The following CERS3 variants were observed in gnomAD, a reference collection of about 807,000 sequenced individuals.
CERS3 encodes the protein ceramide synthase 3.
In CERS3, 33 loss-of-function variants were observed where a neutral mutation model predicts 50.3. The observed-to-expected ratio is 0.66, with a 90% CI of 0.50 to 0.88. The LOEUF is 0.88. Ranked by LOEUF, CERS3 falls within the 40% of genes least tolerant of loss-of-function variation. The pLI is 0.00. For missense variants in CERS3, 470 were observed against 460.3 expected (o/e 1.02, Z -0.19); for synonymous variants, 176 against 155.2 (o/e 1.13, Z -0.99).
chr15:100,500,564 C>CA (rs1291323015), intron 3 of CERS3: 2 of 152,160 alleles, frequency 1.3e-5, no homozygotes, highest in African/African-American at 4.8e-5. Context: ...GGATACAATG[C>CA]AAAAACACCT....
rs1463619849 is a variant in CERS3, at chr15:100,420,939, A to C, written c.1000-18074T>G. ...GTATTGATGGGACGTATTTCAAAAT[A>C]ATAAGAGCTATCTATGACAAACCCA... On this transcript the variant is annotated intron_variant, in intron 11 of 11. Transcript: ENST00000679737. 2.1e-3 allele frequency among the ~76,000 whole-genome samples: 314 copies of C among 146,854 alleles called. 1 individual carries two copies. Among genetic ancestry groups the C allele is most frequent in the African/African-American group, 7.6e-3 (302 of 39,732 alleles).
chr15:100,493,046 G>C (rs1053954497), intron 3 of CERS3, among the ~76,000 whole-genome samples: 1 of 152,094 alleles, frequency 6.6e-6, no homozygotes, highest in Non-Finnish European at 1.5e-5. Flanking sequence ...CACAGATTTA[G>C]ATTATTGTTT....
At chr15:100,503,718 T>A (rs763894281) in intron 2 of CERS3, 1 of 470,890 alleles carries the variant, frequency 2.1e-6, no homozygotes. Context: ...GCCTGGCAGC[T>A]CTTCTGGCAG....
chr15:100,412,418 G>C (rs1596609536), intron 11 of CERS3, among the ~76,000 whole-genome samples: 1 of 152,218 alleles, frequency 6.6e-6, no homozygotes, highest in South Asian at 2.1e-4. Context: ...CTTTATGTTT[G>C]TCTTTATGCC....
chr15:100,494,070 A>G (rs909953552), intron 3 of CERS3, among the ~76,000 whole-genome samples: 11 of 151,554 alleles, frequency 7.3e-5, no homozygotes, highest in African/African-American at 2.7e-4. Context: ...TCCATGTCTC[A>G]TAAGTTTTTG....
intron 11 of CERS3, among the ~76,000 whole-genome samples, chr15:100,414,829 A>C (rs925260356): frequency 3.3e-5 from 5 of 151,804 alleles, no homozygotes; most frequent in African/African-American, 4.8e-5. Flanking sequence ...TAAAAAAAAA[A>C]AACCCTGGAA....
At chr15:100,540,064 T>C (rs965616316) in intron 1 of CERS3, among the ~76,000 whole-genome samples, 1 of 152,202 alleles carries the variant, frequency 6.6e-6, no homozygotes, top group Non-Finnish European at 1.5e-5. Context: ...ATCTATTTCC[T>C]AAACCACCCT....
chr15:100,478,264 T>C (rs949245925), intron 7 of CERS3, among the ~76,000 whole-genome samples: 1 of 152,202 alleles, frequency 6.6e-6, no homozygotes, highest in African/African-American at 2.4e-5. Context: ...AGATTAGACA[T>C]GGCTTAAGAA....
chr15:100,482,687 C>T (rs1246870277), intron 5 of CERS3, among the ~76,000 whole-genome samples: 1 of 152,036 alleles, frequency 6.6e-6, no homozygotes, highest in Non-Finnish European at 1.5e-5. Context: ...GAGAGAAAGT[C>T]ACCAAGGAAC....
rs192008441 is a variant in CERS3, at chr15:100,483,091, C to T, written c.407+1459G>A. ...CTTTACTTGAAAATACTGCCTCAAA[C>T]CTGCTTTCTTTTCTTTTGGCAACCT... On this transcript the variant is annotated intron_variant, in intron 5 of 11. Transcript: ENST00000679737. 9.8e-5 allele frequency among the ~76,000 whole-genome samples: 15 copies of T among 152,300 alleles called. No individual in the cohort carries two copies. In the East Asian group the frequency reaches 2.9e-3, roughly 29 times the overall value.
At chr15:100,458,585 CAAAAAA>C (rs5814967) in intron 10 of CERS3, among the ~76,000 whole-genome samples, 1 of 127,730 alleles carries the variant, frequency 7.8e-6, no homozygotes, top group African/African-American at 3.0e-5. Context: ...GACTCCATCT[CAAAAAA>C]AAAAAAAAAG....
intron 7 of CERS3, among the ~76,000 whole-genome samples, chr15:100,477,467 G>A (rs1489166795): frequency 6.6e-6 from 1 of 151,920 alleles, no homozygotes; most frequent in Admixed American, 6.6e-5. Flanking sequence ...CTGGATAAAG[G>A]ACAAGAAAGA....
rs1555528069 is a variant in CERS3 at position 100,466,832 on chromosome 15, C to CTCTCTTTCTCTCTTTCTCTCTTT, written c.845+2545_845+2546insAAAGAGAGAAAGAGAGAAAGAGA. On this transcript the variant is annotated intron_variant, in intron 10 of 11. Coordinates refer to ENST00000679737, the MANE Select transcript of CERS3 (RefSeq NM_001378789.1). ...CCCTCCCTCCCTCTCTCCCTCTCTC[C>CTCTCTTTCTCTCTTTCTCTCTTT]CTCTCTCCCTCTCTCTTTCTCTCTT... 8.2e-3 allele frequency among the ~76,000 whole-genome samples: 154 copies of CTCTCTTTCTCTCTTTCTCTCTTT among 18,804 alleles called. 19 individuals are homozygous for CTCTCTTTCTCTCTTTCTCTCTTT. The highest frequency in any genetic ancestry group is 0.018 in the African/African-American group (113 of 6,422). 12.3% of individuals were successfully genotyped at this position (18,804 alleles called of 152,430 possible).
chr15:100,487,123 A>G (rs1174249355), intron 4 of CERS3, among the ~76,000 whole-genome samples: 1 of 152,222 alleles, frequency 6.6e-6, no homozygotes, highest in African/African-American at 2.4e-5. Context: ...AATGTGTGAA[A>G]CATGAAGCAT....
At chr15:100,496,784 A>C (rs2035828575) in intron 3 of CERS3, among the ~76,000 whole-genome samples, 1 of 152,186 alleles carries the variant, frequency 6.6e-6, no homozygotes, top group African/African-American at 2.4e-5. Flanking sequence ...CTTAAGAAGA[A>C]TTTTTGTGTT....
At chr15:100,540,094 C>A (rs2037163501) in intron 1 of CERS3, among the ~76,000 whole-genome samples, 1 of 152,164 alleles carries the variant, frequency 6.6e-6, no homozygotes, top group Admixed American at 6.5e-5. Context: ...AATCCCTACC[C>A]CATGTGCCCC....
intron 10 of CERS3, among the ~76,000 whole-genome samples, chr15:100,463,740 T>C (rs750880217): frequency 1.3e-5 from 2 of 152,152 alleles, no homozygotes; most frequent in Non-Finnish European, 2.9e-5. Flanking sequence ...CAGTGGTGGC[T>C]CAAGGGAGTG....
chr15:100,420,777 T>C (rs1055242140), intron 11 of CERS3, among the ~76,000 whole-genome samples: 9 of 151,886 alleles, frequency 5.9e-5, no homozygotes, highest in Admixed American at 1.3e-4. Context: ...GCTGGTTCAA[T>C]ATACGCAAAT....
At chr15:100,506,438 T>G (rs118160884) in intron 2 of CERS3, among the ~76,000 whole-genome samples, 3,645 of 144,802 alleles carry the variant, frequency 0.025, 65 homozygotes, top group Middle Eastern at 0.093. Flanking sequence ...TCACAAGTGC[T>G]GACGGGGTGT....
Sources: gnomAD v4.1 joint callset for allele counts (sites outside exome capture counted in the v4.1 genomes callset) on GRCh38, gnomAD v4.1.1 for gene constraint, MANE v1.5 for transcripts, NCBI Gene and HGNC (gene_info 2026-07-23, HGNC 2026-07-21) for gene names.